TLE4: variants seen among roughly 807,000 people sequenced by gnomAD.
The protein encoded by TLE4 is transducin-like enhancer protein 4.
Under a neutral mutation model 92.8 loss-of-function variants are expected in TLE4, and 8 were observed. That is an observed-to-expected ratio of 0.09 (90% CI 0.05 to 0.16). The LOEUF (loss-of-function observed/expected upper bound fraction) is 0.16. TLE4 is among the 10% of genes least tolerant of loss of function. The probability of loss-of-function intolerance (pLI) is 1.00; values close to 1 mark genes in which losing one functional copy is unlikely to be tolerated. For synonymous variants in TLE4, 371 were observed against 374.1 expected, an observed-to-expected ratio of 0.99 and a Z score of 0.10; for missense variants, 675 against 997.6, an observed-to-expected ratio of 0.68 and a Z score of 4.36.
intron 6 of TLE4, among the ~76,000 whole-genome samples, chr9:79,632,006 C>T (rs2054402871): frequency 6.6e-6 from 1 of 152,122 alleles, no homozygotes; most frequent in South Asian, 2.1e-4. Flanking sequence ...AGTATTCTTC[C>T]TGGGCCCACC....
chr9:79,587,043 A>G lies in TLE4; in HGVS notation c.252+10866A>G, dbSNP rs1055039365. Among the ~76,000 whole-genome samples the G allele has an allele frequency of 3.3e-5, 5 of 152,330 alleles. No individual in the cohort carries two copies. In the East Asian group the frequency reaches 7.7e-4, roughly 23 times the overall value. Reference sequence around the variant, plus strand: ...CTGTAGTCACTCTGTTATGCTATCAAACACTATACCTTATTCATTCTGACT... The same window carrying G: ...CTGTAGTCACTCTGTTATGCTATCAGACACTATACCTTATTCATTCTGACT... On this transcript the variant is annotated intron_variant, in intron 4 of 19. Coordinates refer to ENST00000376552, the MANE Select transcript of TLE4 (RefSeq NM_007005.6).
At chr9:79,587,513 C>T (rs990637370) in intron 4 of TLE4, among the ~76,000 whole-genome samples, 1 of 152,154 alleles carries the variant, frequency 6.6e-6, no homozygotes, top group African/African-American at 2.4e-5. Flanking sequence ...ACTTCCATTG[C>T]TCGGTACTAT....
chr9:79,580,514 T>C (rs1314220472), intron 4 of TLE4: 1 of 152,182 alleles, frequency 6.6e-6, no homozygotes, highest in Non-Finnish European at 1.5e-5. Context: ...GTAAATTTAT[T>C]TGGGGACACT....
chr9:79,685,994 G>T (rs1410929778), intron 8 of TLE4, among the ~76,000 whole-genome samples: 1 of 151,946 alleles, frequency 6.6e-6, no homozygotes, highest in Non-Finnish European at 1.5e-5. Flanking sequence ...ACAATAAAAA[G>T]TTCAAATAAA....
At chr9:79,684,538 A>G (rs1186682471) in intron 8 of TLE4, among the ~76,000 whole-genome samples, 1 of 152,142 alleles carries the variant, frequency 6.6e-6, no homozygotes, top group Non-Finnish European at 1.5e-5. Flanking sequence ...GAGAATCTTA[A>G]CTATTGCCTG....
rs902649669 is a variant in TLE4 at position 79,708,846 on chromosome 9, G to A, written c.1263+60G>A. ...ACACGGAGGATTGTCATGCTTGATT[G>A]ATTGCGACAGGGTCTCGCTCTGTCA... On this transcript the variant is annotated intron_variant, in intron 13 of 19. Coordinates refer to ENST00000376552, the MANE Select transcript of TLE4 (RefSeq NM_007005.6). 2.7e-5 allele frequency: 41 copies of A among 1,517,192 alleles called. No homozygotes were observed. In the East Asian group the frequency reaches 9.4e-4, roughly 35 times the overall value. The allele number at this position is 1,517,192 out of a possible 1,614,324, so 94.0% of individuals were successfully genotyped here. A position where few individuals can be genotyped will look rare whatever the true frequency, so the allele number is the denominator to read the frequency against.
intron 8 of TLE4, among the ~76,000 whole-genome samples, chr9:79,658,286 T>C (rs1370414329): frequency 6.6e-6 from 1 of 152,224 alleles, no homozygotes; most frequent in Non-Finnish European, 1.5e-5. Flanking sequence ...GTTGGCATAA[T>C]GAGTATGGAT....
chr9:79,703,014 A>G (rs76439999), intron 8 of TLE4, among the ~76,000 whole-genome samples: 2 of 152,098 alleles, frequency 1.3e-5, no homozygotes, highest in Non-Finnish European at 2.9e-5. Context: ...TAAATGTTGT[A>G]TGTTTTTATA....
rs2035983303 is a variant in TLE4, at chr9:79,572,038, T to A, written c.-753T>A. On this transcript the variant is annotated 5_prime_UTR_variant, in exon 1 of 20. In the 5' UTR this introduces an upstream ATG that the reference lacks. Transcript: ENST00000376552. ...GCTTTCTTCCCCCTTTCTCACACAC[T>A]TGTATATTATTTTGAGGTGGTGTTC... 1 of 152,012 alleles carries A rather than the reference T, an allele frequency of 6.6e-6. No individual in the cohort carries two copies. Among genetic ancestry groups the A allele is most frequent in the Non-Finnish European group, 1.5e-5 (1 of 68,018 alleles). 9.4% of individuals were successfully genotyped at this position (152,012 alleles called of 1,614,324 possible).
At chr9:79,710,545 C>T (rs921555273) in intron 14 of TLE4, among the ~76,000 whole-genome samples, 16 of 152,310 alleles carry the variant, frequency 1.1e-4, no homozygotes, top group South Asian at 2.1e-4. Flanking sequence ...CCAGGGCTAT[C>T]CAGACCTGAC....
intron 8 of TLE4, among the ~76,000 whole-genome samples, chr9:79,696,544 A>G (rs1430334544): frequency 1.3e-5 from 2 of 152,184 alleles, no homozygotes; most frequent in African/African-American, 4.8e-5. Flanking sequence ...GACATTGTAT[A>G]GAGTATATTT....
intron 6 of TLE4, among the ~76,000 whole-genome samples, chr9:79,648,095 GT>G (rs1397968199): frequency 7.2e-5 from 11 of 152,204 alleles, no homozygotes; most frequent in African/African-American, 2.4e-4. Context: ...GTAGGGTGGA[GT>G]TAGGCTGATG....
chr9:79,708,751 G>A lies in TLE4; in HGVS notation c.1228G>A (p.Ala410Thr), dbSNP rs1164275707. The A allele has an allele frequency of 4.4e-6, 7 of 1,608,730 alleles. No homozygotes were observed. Among genetic ancestry groups the A allele is most frequent in the Non-Finnish European group, 5.9e-6 (7 of 1,179,948 alleles). ...SPQMSAAAAA[A>T]AAAAAYGRSP... is the part of the protein sequence containing the mutation. ...TCAGATGAGCGCAGCTGCTGCCGCC[G>A]CCGCTGCTGCTGCTGCCTATGGGAG... The change falls in exon 13 of 20, where the codon GCC becomes ACC. Residue 410 changes from alanine to threonine, a missense_variant. Transcript: ENST00000376552.
chr9:79,587,654 A>G (rs1175946265), intron 4 of TLE4, among the ~76,000 whole-genome samples: 2 of 152,102 alleles, frequency 1.3e-5, no homozygotes, highest in Non-Finnish European at 2.9e-5. Flanking sequence ...TATTGTGTGG[A>G]CAGCTAAAAC....
At chr9:79,661,127 T>G (rs1310516903) in intron 8 of TLE4, among the ~76,000 whole-genome samples, 1 of 152,230 alleles carries the variant, frequency 6.6e-6, no homozygotes. Flanking sequence ...GGGCCTAAGA[T>G]TTAAGTTTTA....
chr9:79,610,415 C>T (rs2048097648), intron 4 of TLE4, among the ~76,000 whole-genome samples: 1 of 152,044 alleles, frequency 6.6e-6, no homozygotes, highest in Non-Finnish European at 1.5e-5. Flanking sequence ...TGATGCCTCC[C>T]TAAAGCTGGG....
At chr9:79,576,748 TAGG>T (rs2037912239) in intron 4 of TLE4, 1 of 150,810 alleles carries the variant, frequency 6.6e-6, no homozygotes, top group Non-Finnish European at 1.5e-5. Context: ...ATGAGCCTGA[TAGG>T]AGGATGTGAT....
chr9:79,641,947 A>G (rs1003947176), intron 6 of TLE4, among the ~76,000 whole-genome samples: 11 of 149,900 alleles, frequency 7.3e-5, no homozygotes, highest in African/African-American at 2.2e-4. Context: ...GGCATAGTGG[A>G]CTTTTTTTTT....
At chr9:79,583,223 T>A (rs1159631290) in intron 4 of TLE4, among the ~76,000 whole-genome samples, 2 of 152,168 alleles carry the variant, frequency 1.3e-5, no homozygotes, top group African/African-American at 4.8e-5. Flanking sequence ...CCAAAACTTA[T>A]CCCTGGAGAG....
Sources: allele counts gnomAD v4.1 joint callset (sites outside exome capture counted in the v4.1 genomes callset), GRCh38; gene constraint gnomAD v4.1.1; transcripts MANE v1.5; gene names NCBI Gene and HGNC (gene_info 2026-07-23, HGNC 2026-07-21).